The following MTDH variants were observed in gnomAD, a reference collection of about 807,000 sequenced individuals.
The protein encoded by MTDH is protein LYRIC.
In MTDH, 34 loss-of-function variants were observed where a neutral mutation model predicts 72.7. The ratio of observed to expected loss-of-function variants is 0.47; its 90% CI spans 0.36 to 0.62. The LOEUF is 0.62. MTDH is among the 20% of genes least tolerant of loss of function. The probability of loss-of-function intolerance (pLI) is 0.00; values close to 1 mark genes in which losing one functional copy is unlikely to be tolerated. For missense variants in MTDH, 677 were observed against 699.4 expected (o/e 0.97, Z 0.36); for synonymous variants, 266 against 268.9 (o/e 0.99, Z 0.10).
intron 4 of MTDH, among the ~76,000 whole-genome samples, 163 bp downstream of exon 4, chr8:97,687,768 G>A (rs765256802): frequency 1.7e-4 from 26 of 152,222 alleles, no homozygotes; most frequent in Admixed American, 6.5e-4. Flanking sequence ...TCGGTTTACC[G>A]AATACCAGCA....
At chr8:97,709,100 CAAAGAATTGCTTGA>C (rs1304732066) in intron 8 of MTDH, among the ~76,000 whole-genome samples, 1 of 148,556 alleles carries the variant, frequency 6.7e-6, no homozygotes, top group Non-Finnish European at 1.5e-5. Context: ...CTGACTGAGG[CAAAGAATTGCTTGA>C]ACCCGGGAGG....
rs1811500565 is a variant in MTDH at position 97,644,808 on chromosome 8, A to G, written c.302A>G (p.Asp101Gly). 1.3e-6 allele frequency: 2 copies of G among 1,565,910 alleles called. No individual in the cohort carries two copies. Among genetic ancestry groups the G allele is most frequent in the Middle Eastern group, 1.7e-4 (1 of 5,762 alleles). The change falls in exon 1 of 12, where the codon GAC (aspartate) becomes GGC (glycine). Residue 101 changes from aspartate (D) to glycine (G), a missense_variant. Around this residue, in one of 3 missense-constraint regions of MTDH, gnomAD observed 467 missense variants for 469.1 expected, o/e 1.00. Transcript: ENST00000336273. ...GCGGCCGTGCCGGCCGCGGCCCCCG[A>G]CGACCTGGCCTTGCTGAAGAATCTC... is the stretch of plus-strand genomic sequence containing the variant. ...EAAAVPAAAP[D>G]DLALLKNLRS...
At chr8:97,658,866 G>A (rs970806044) in intron 1 of MTDH, among the ~76,000 whole-genome samples, 10 of 152,070 alleles carry the variant, frequency 6.6e-5, no homozygotes, top group Non-Finnish European at 1.0e-4. Context: ...ATTAGAGGCC[G>A]GGTGTGGTGG....
chr8:97,645,021 T>G (rs1586192094), intron 1 of MTDH, 134 bp downstream of exon 1: 1 of 1,010,352 alleles, frequency 9.9e-7, no homozygotes. Context: ...CACTCCCAAG[T>G]GGAGGAGGAG....
At chr8:97,669,116 TA>T (rs1812504105) in intron 2 of MTDH, among the ~76,000 whole-genome samples, 1 of 152,186 alleles carries the variant, frequency 6.6e-6, no homozygotes, top group South Asian at 2.1e-4. Flanking sequence ...ATGTGTGATT[TA>T]AATGTTTTCA....
intron 6 of MTDH, among the ~76,000 whole-genome samples, chr8:97,698,790 A>G (rs1345191373): frequency 6.6e-6 from 1 of 152,184 alleles, no homozygotes; most frequent in Non-Finnish European, 1.5e-5. Flanking sequence ...AATGGCAGAG[A>G]TTTCTATTGT....
chr8:97,644,587 C>A lies in MTDH; in HGVS notation c.81C>A (p.Val27=). The A allele has an allele frequency of 6.2e-7, 1 of 1,608,246 alleles. No homozygotes were observed. The highest frequency in any genetic ancestry group is 8.5e-7 in the Non-Finnish European group (1 of 1,179,106). Residue 27 remains valine, a synonymous_variant, in exon 1 of 12, where the codon GTC becomes GTA. Transcript: ENST00000336273. ...CCCGGCTGCGGGAAATGCTCTCGGT[C>A]GGCCTAGGCTTTCTGCGCACCGAGC... ...GSARLREMLS[V]GLGFLRTELG...
At chr8:97,679,363 G>A (rs1437415686) in intron 2 of MTDH, among the ~76,000 whole-genome samples, 1 of 152,014 alleles carries the variant, frequency 6.6e-6, no homozygotes, top group Non-Finnish European at 1.5e-5. Context: ...TAATAATAAA[G>A]TAGAAAGTAC....
intron 10 of MTDH, among the ~76,000 whole-genome samples, chr8:97,720,589 A>ATT (rs1554583465): frequency 0.045 from 6,728 of 148,678 alleles, 507 homozygotes; most frequent in African/African-American, 0.15. Context: ...GAATATATAT[A>ATT]TATTTATTTA....
intron 1 of MTDH, among the ~76,000 whole-genome samples, chr8:97,657,664 C>T (rs1480699894): frequency 4.6e-5 from 7 of 151,864 alleles, no homozygotes; most frequent in East Asian, 1.9e-4. Flanking sequence ...CCACCACACC[C>T]GGCTATTTTT....
chr8:97,723,039 A>T lies in MTDH; in HGVS notation c.1678+4A>T. Reference sequence around the variant, plus strand: ...AATAGTGTGCCTCCTTCACAGAGTAAGTAATCCTCATTTTTTGTTCCTTTG... The same window carrying T: ...AATAGTGTGCCTCCTTCACAGAGTATGTAATCCTCATTTTTTGTTCCTTTG... On this transcript the variant is annotated splice_donor_region_variant and intron_variant, in intron 11 of 11. Coordinates refer to ENST00000336273, the MANE Select transcript of MTDH (RefSeq NM_178812.4). 6.2e-7 allele frequency: 1 copy of T among 1,611,990 alleles called. No individual in the cohort carries two copies. Among genetic ancestry groups the T allele is most frequent in the South Asian group, 1.1e-5 (1 of 90,708 alleles).
chr8:97,708,581 CTTTTTTTTTTTTTTTTTTTTT>C (rs1174573079), intron 8 of MTDH, among the ~76,000 whole-genome samples: 6 of 30,258 alleles, frequency 2.0e-4, no homozygotes, highest in East Asian at 9.0e-4. Flanking sequence ...CATGCCAGGC[CTTTTTTTTTTTTTTTTTTTTT>C]TTTTTTTTTT....
At position 97,726,927 on chromosome 8, in the gene MTDH, A is replaced by C. The variant is rs1440295049; in HGVS notation, c.*2257A>C. 6.6e-6 allele frequency: 1 copy of C among 151,654 alleles called. No homozygotes were observed. The highest frequency in any genetic ancestry group is 6.6e-5 in the Admixed American group (1 of 15,200). The allele number at this position is 151,654 out of a possible 1,614,324, so 9.4% of individuals were successfully genotyped here. A position where few individuals can be genotyped will look rare whatever the true frequency, so the allele number is the denominator to read the frequency against. ...ATCTTTACTAAAAATACAAAAAAAA[A>C]AATTAGCTGGGTGTGGTGGTGGGCT... On this transcript the variant is annotated 3_prime_UTR_variant, in exon 12 of 12. Transcript: ENST00000336273.
At position 97,644,439 on chromosome 8, in the gene MTDH, C is replaced by T. The variant is rs1283038240; in HGVS notation, c.-68C>T. 1.3e-5 allele frequency: 20 copies of T among 1,505,842 alleles called. No individual in the cohort carries two copies. Among genetic ancestry groups the T allele is most frequent in the Non-Finnish European group, 2.6e-6 (3 of 1,135,716 alleles). The allele number at this position is 1,505,842 out of a possible 1,614,324, so 93.3% of individuals were successfully genotyped here. On this transcript the variant is annotated 5_prime_UTR_variant, in exon 1 of 12. Coordinates refer to ENST00000336273, the MANE Select transcript of MTDH (RefSeq NM_178812.4). Reference sequence around the variant, plus strand: ...TACCCGGCCCGGCCCTTCCTCGCTTCCCTCGACTATTCCACTGCGTCTCCG... The same window carrying T: ...TACCCGGCCCGGCCCTTCCTCGCTTTCCTCGACTATTCCACTGCGTCTCCG...
intron 2 of MTDH, among the ~76,000 whole-genome samples, chr8:97,670,270 C>A (rs1347332504): frequency 6.6e-6 from 1 of 152,138 alleles, no homozygotes; most frequent in Non-Finnish European, 1.5e-5. Flanking sequence ...GAGCTGAGAT[C>A]GTGGCACTGC....
chr8:97,678,896 G>A (rs190149572), intron 2 of MTDH, among the ~76,000 whole-genome samples: 5 of 152,200 alleles, frequency 3.3e-5, no homozygotes, highest in Non-Finnish European at 7.4e-5. Flanking sequence ...TCAGAAAATA[G>A]CCAATTTTTG....
rs1175478053 is a variant in MTDH at position 97,686,694 on chromosome 8, G to A, written c.510G>A (p.Lys170=). The A allele has an allele frequency of 6.3e-7, 1 of 1,579,196 alleles. No homozygotes were observed. The highest frequency in any genetic ancestry group is 8.6e-7 in the Non-Finnish European group (1 of 1,164,940). ...EKSKKNKKKS[K]SDAKAVQNSS... Reference sequence around the variant, plus strand: ...CAAAGAAAAATAAGAAGAAATCAAAGTCAGATGCTAAAGCAGTGCAAAACA... The same window carrying A: ...CAAAGAAAAATAAGAAGAAATCAAAATCAGATGCTAAAGCAGTGCAAAACA... Residue 170 remains lysine, a synonymous_variant, in exon 3 of 12, where the codon AAG becomes AAA. Transcript: ENST00000336273.
chr8:97,721,787 CT>C (rs1168027291), intron 10 of MTDH, among the ~76,000 whole-genome samples: 4 of 152,186 alleles, frequency 2.6e-5, no homozygotes, highest in African/African-American at 9.7e-5. Flanking sequence ...TGCTTCCAGG[CT>C]GTAGAGAAGT....
intron 7 of MTDH, among the ~76,000 whole-genome samples, chr8:97,705,083 G>A (rs551746557): frequency 6.6e-6 from 1 of 152,298 alleles, no homozygotes; most frequent in South Asian, 2.1e-4. Context: ...TGGATCAAGA[G>A]GTCAGGAGTT....
Sources: gnomAD v4.1 joint callset for allele counts (sites outside exome capture counted in the v4.1 genomes callset) on GRCh38, gnomAD v4.1.1 for gene constraint, gnomAD v4.1.1 regional missense constraint, MANE v1.5 for transcripts, NCBI Gene and HGNC (gene_info 2026-07-23, HGNC 2026-07-21) for gene names.